Variants in CHD4 observed in about 807,000 individuals in gnomAD.
The protein encoded by CHD4 is ATP-dependent chromatin remodeler CHD4.
CHD4 carries 35 observed loss-of-function variants against 235.5 expected under a neutral mutation model. The observed-to-expected ratio is 0.15, with a 90% CI of 0.11 to 0.20. The LOEUF is 0.20. Among genes scored for constraint, CHD4 ranks in the 10% least tolerant of loss-of-function variants. The pLI is 1.00. For synonymous variants in CHD4, 900 were observed against 850.2 expected, an observed-to-expected ratio of 1.06 and a Z score of -1.02; for missense variants, 1,329 against 2,432.3, an observed-to-expected ratio of 0.55 and a Z score of 9.54.
intron 25 of CHD4, among the ~76,000 whole-genome samples, chr12:6,585,441 G>A (rs1365385886): frequency 4.0e-5 from 6 of 151,128 alleles, no homozygotes; most frequent in East Asian, 2.0e-4. Context: ...CCGCCACCAC[G>A]CCCAGCTAAT....
At position 6,593,249 on chromosome 12, in the gene CHD4, G is replaced by A. The variant is rs376478876; in HGVS notation, c.2515-21C>T. Reference sequence around the variant, plus strand: ...TCTTTCTGCACATGAAGGCAACTTGGTCACTACTAGTCAGTTCCTCTGTGT... The same window carrying A: ...TCTTTCTGCACATGAAGGCAACTTGATCACTACTAGTCAGTTCCTCTGTGT... On this transcript the variant is annotated intron_variant, in intron 16 of 39. Coordinates refer to ENST00000544040, the MANE Select transcript of CHD4 (RefSeq NM_001273.5). This position sits in a 1 kb window ranked among gnomAD's most constrained non-coding sequence, Gnocchi z 4.9. 2.2e-5 allele frequency: 36 copies of A among 1,613,648 alleles called. No homozygotes were observed. In the East Asian group the frequency reaches 4.0e-4, roughly 18 times the overall value.
chr12:6,581,464 C>G, intron 31 of CHD4, 76 bp from the exon 32 acceptor site: 1 of 1,552,188 alleles, frequency 6.4e-7, no homozygotes, highest in Non-Finnish European at 8.9e-7. Context: ...CCCAGTTTGT[C>G]TCATCTTAAA....
chr12:6,594,710 A>T, intron 14 of CHD4, 60 bp from the exon 15 acceptor site: 1 of 1,481,758 alleles, frequency 6.7e-7, no homozygotes, highest in South Asian at 1.2e-5. Context: ...CCCCTAATAG[A>T]GCAGCTGCTT....
rs1229933151 is a variant in CHD4 at position 6,578,036 on chromosome 12, T to C, written c.5221A>G (p.Ile1741Val). 1.4e-5 allele frequency: 23 copies of C among 1,612,492 alleles called. No homozygotes were observed. Among genetic ancestry groups the C allele is most frequent in the African/African-American group, 2.7e-5 (2 of 74,926 alleles). ...GATTCAGGCAAAGGATACTTTATAATGCCGGCTAGCAGCCAGTAGTCATGC... is the reference window on the plus strand; with the variant it reads ...GATTCAGGCAAAGGATACTTTATAACGCCGGCTAGCAGCCAGTAGTCATGC... ...RRHDYWLLAG[I>V]INHGYARWQD... The change falls in exon 36 of 40, where the codon ATT (isoleucine) becomes GTT (valine). Residue 1741 changes from isoleucine to valine, a missense_variant. Transcript: ENST00000544040.
At position 6,570,910 on chromosome 12, in the gene CHD4, T is replaced by G; in HGVS notation, c.5680A>C (p.Ser1894Arg). 1 of 1,614,174 alleles carries G rather than the reference T, an allele frequency of 6.2e-7. No individual in the cohort carries two copies. Among genetic ancestry groups the G allele is most frequent in the Non-Finnish European group, 8.5e-7 (1 of 1,180,026 alleles). The change falls in exon 39 of 40, where the codon AGC (serine) becomes CGC (arginine). Residue 1894 changes from serine to arginine, a missense_variant. Ser to Arg is a moderately radical substitution (Grantham distance 110). Around this residue, in one of 26 missense-constraint regions of CHD4, gnomAD observed 135 missense variants for 282.3 expected, o/e 0.48. Coordinates refer to ENST00000544040, the MANE Select transcript of CHD4 (RefSeq NM_001273.5). ...RLQMSERNIL[S>R]RLANRAPEPT... ...TCGGGTGCCCGGTTTGCCAGGCGGCTGAGAATGTTACGCTCTGACATCTGT... is the reference window on the plus strand; with the variant it reads ...TCGGGTGCCCGGTTTGCCAGGCGGCGGAGAATGTTACGCTCTGACATCTGT...
Position 6,593,041 on chromosome 12 carries a change from C to G in CHD4, c.2652+50G>C. On this transcript the variant is annotated intron_variant, in intron 17 of 39. Coordinates refer to ENST00000544040, the MANE Select transcript of CHD4 (RefSeq NM_001273.5). This position sits in a 1 kb window ranked among gnomAD's most constrained non-coding sequence, Gnocchi z 4.9. The stretch of plus-strand genomic sequence containing the variant: ...TTTTCCCCTTAATGAATTGGTAGTA[C>G]TAGAAAAAACCCAAAGTGGGGGCTC... 2 of 1,605,062 alleles carry G rather than the reference C, an allele frequency of 1.2e-6. No individual in the cohort carries two copies. The highest frequency in any genetic ancestry group is 1.7e-6 in the Non-Finnish European group (2 of 1,177,082).
intron 12 of CHD4, among the ~76,000 whole-genome samples, chr12:6,596,530 T>A (rs1256485045): frequency 6.7e-6 from 1 of 149,894 alleles, no homozygotes; most frequent in East Asian, 2.0e-4. Flanking sequence ...CCGGGCGCGG[T>A]GGCTCACGCC....
chr12:6,577,667 T>G, intron 37 of CHD4, 118 bp downstream of exon 37: 1 of 1,381,320 alleles, frequency 7.2e-7, no homozygotes, highest in Non-Finnish European at 1.0e-6. Context: ...GAGCAAAGCC[T>G]TCCATAGAAT....
In CHD4 at chr12:6,585,229, A is replaced by AT. The variant is rs564694834; in HGVS notation, c.3880-1852dup. Among the ~76,000 whole-genome samples the AT allele has an allele frequency of 3.6e-3, 543 of 151,990 alleles. 2 individuals carry two copies. Among genetic ancestry groups the AT allele is most frequent in the Middle Eastern group, 0.01 (3 of 294 alleles). On this transcript the variant is annotated intron_variant, in intron 25 of 39. Coordinates refer to ENST00000544040, the MANE Select transcript of CHD4 (RefSeq NM_001273.5). The stretch of plus-strand genomic sequence containing the variant: ...GCCACACACACATTCCTCACATACT[A>AT]TTTTTTTTACTATAAAAGACCAAGA...
At chr12:6,573,392 G>C (rs947588439) in intron 37 of CHD4, 123 bp from the exon 38 acceptor site, 51 of 741,588 alleles carry the variant, frequency 6.9e-5, no homozygotes, top group Non-Finnish European at 1.0e-4. Context: ...AGAACTTCAT[G>C]GACAGCTCAT....
rs975819202 is a variant in CHD4, at chr12:6,570,957, A to G, written c.5633T>C (p.Ile1878Thr). 1.2e-6 allele frequency: 2 copies of G among 1,614,088 alleles called. No individual in the cohort carries two copies. Among genetic ancestry groups the G allele is most frequent in the Non-Finnish European group, 8.5e-7 (1 of 1,180,050 alleles). Residue 1878 changes from isoleucine to threonine, a missense_variant, in exon 39 of 40, where the codon ATT becomes ACT. Physicochemically the swap from Ile to Thr is moderately conservative, Grantham distance 89 (BLOSUM62 -1). This residue lies in a region of CHD4 where 135 missense variants were observed against 282.3 expected (regional missense o/e 0.48). Transcript: ENST00000544040. Reference protein sequence around the residue: ...VTRLPATIARIPPVAVRLQMS... With the variant: ...VTRLPATIARTPPVAVRLQMS... ...CTGTAACCTCACAGCAACTGGGGGA[A>G]TTCGGGCAATGGTAGCTGGGAGTCG...
At chr12:6,600,793 C>A in intron 7 of CHD4, 124 bp from the exon 8 acceptor site, 1 of 1,505,670 alleles carries the variant, frequency 6.6e-7, no homozygotes, top group Non-Finnish European at 9.0e-7. Flanking sequence ...TACAGGGAGC[C>A]TAGTCTCATC....
intron 22 of CHD4, among the ~76,000 whole-genome samples, chr12:6,590,811 G>A (rs1036933656): frequency 6.6e-6 from 1 of 152,030 alleles, no homozygotes; most frequent in African/African-American, 2.4e-5. Flanking sequence ...GCAACAGAGT[G>A]AGACCCTATC....
chr12:6,599,666 G>A (rs1165260652), intron 10 of CHD4, 107 bp downstream of exon 10: 1 of 1,394,892 alleles, frequency 7.2e-7, no homozygotes, highest in Non-Finnish European at 9.9e-7. Flanking sequence ...ACCTTTCTCA[G>A]GGCTGAAAAG....
In CHD4 at chr12:6,605,840, CCT is replaced by C. The variant is rs1256694581; in HGVS notation, c.100+432_100+433del. Among the ~76,000 whole-genome samples, 6 of 152,152 alleles carry C rather than the reference CCT, an allele frequency of 3.9e-5. No individual in the cohort carries two copies. In the East Asian group the frequency reaches 1.2e-3, roughly 29 times the overall value. On this transcript the variant is annotated intron_variant, in intron 2 of 39. Transcript: ENST00000544040. ...ATCAGATAGAGTGTAACCAGCACTCCCTCTTTCCTTTCCACAGCAGCAACCAC... is the reference window on the plus strand; with the variant it reads ...ATCAGATAGAGTGTAACCAGCACTCCCTTTCCTTTCCACAGCAGCAACCAC...
Position 6,581,328 on chromosome 12 carries a change from T to G in CHD4, c.4742A>C (p.Lys1581Thr). The G allele has an allele frequency of 1.2e-6, 2 of 1,614,196 alleles. No homozygotes were observed. The highest frequency in any genetic ancestry group is 1.7e-6 in the Non-Finnish European group (2 of 1,180,020). ...LKEEESIEGE[K>T]EVKSTAPETA... ...CTCAGGGGCTGTAGATTTAACCTCC[T>G]TTTCTCCTTCTATGCTCTCTTCTTC... Residue 1581 changes from lysine to threonine, a missense_variant, in exon 32 of 40, where the codon AAG becomes ACG. Lys to Thr is a moderately conservative substitution (Grantham distance 78). Around this residue, in one of 26 missense-constraint regions of CHD4, gnomAD observed 219 missense variants for 219.3 expected, o/e 1.00. Coordinates refer to ENST00000544040, the MANE Select transcript of CHD4 (RefSeq NM_001273.5).
chr12:6,600,874 T>A (rs957407750), intron 7 of CHD4, 52 bp downstream of exon 7: 1 of 1,530,924 alleles, frequency 6.5e-7, no homozygotes, highest in African/African-American at 1.4e-5. Flanking sequence ...GAAGGTCACA[T>A]CCTTTCTATT....
chr12:6,570,502 C>T lies in CHD4; in HGVS notation c.*174G>A. The stretch of plus-strand genomic sequence containing the variant: ...CTGCATGTCTCTTCTGCAGGAAGGG[C>T]ACCACTGCCCCTCACTCCCTCCCCT... On this transcript the variant is annotated 3_prime_UTR_variant, in exon 40 of 40. Transcript: ENST00000544040. 1.4e-6 allele frequency: 1 copy of T among 719,144 alleles called. No individual in the cohort carries two copies. The allele number at this position is 719,144 out of a possible 1,614,324, so 44.5% of individuals were successfully genotyped here. A position where few individuals can be genotyped will look rare whatever the true frequency, so the allele number is the denominator to read the frequency against.
At chr12:6,595,693 CAGG>C (rs1485849162) in intron 13 of CHD4, among the ~76,000 whole-genome samples, 2 of 150,412 alleles carry the variant, frequency 1.3e-5, no homozygotes, top group Non-Finnish European at 2.9e-5. Context: ...GAGACTGAGG[CAGG>C]AGAATTGCTT....
Sources: allele counts gnomAD v4.1 joint callset (sites outside exome capture counted in the v4.1 genomes callset), GRCh38; gene constraint gnomAD v4.1.1; regional missense constraint gnomAD v4.1.1; non-coding constraint Gnocchi (gnomAD v3.1); transcripts MANE v1.5; gene names NCBI Gene and HGNC (gene_info 2026-07-23, HGNC 2026-07-21).